CD226: variants seen among roughly 807,000 people sequenced by gnomAD.
CD226 encodes the protein CD226 molecule, also known as CD226 antigen.
In CD226, 24 loss-of-function variants were observed where a neutral mutation model predicts 34.9. The observed-to-expected ratio is 0.69, with a 90% CI of 0.50 to 0.97. CD226 has a LOEUF of 0.97. CD226 is among the 50% of genes least tolerant of loss of function. The probability of loss-of-function intolerance (pLI) is 0.00; values close to 1 mark genes in which losing one functional copy is unlikely to be tolerated. For missense variants in CD226, 397 were observed against 412.7 expected, an observed-to-expected ratio of 0.96 and a Z score of 0.33; for synonymous variants, 148 against 147.4, an observed-to-expected ratio of 1.00 and a Z score of -0.03.
At chr18:69,918,985 G>A (rs1435311576) in intron 2 of CD226, among the ~76,000 whole-genome samples, 1 of 152,200 alleles carries the variant, frequency 6.6e-6, no homozygotes, top group African/African-American at 2.4e-5. Flanking sequence ...AGGAGGTGGG[G>A]GCCATGGGCC....
chr18:69,891,177 T>C (rs778094418), intron 3 of CD226, among the ~76,000 whole-genome samples: 2 of 152,034 alleles, frequency 1.3e-5, no homozygotes, highest in Admixed American at 6.6e-5. Flanking sequence ...GTTCAACATA[T>C]GTAAATCAAT....
chr18:69,892,858 A>C (rs982377331), intron 3 of CD226, among the ~76,000 whole-genome samples: 10 of 152,228 alleles, frequency 6.6e-5, no homozygotes, highest in Admixed American at 3.3e-4. Context: ...AAAAGAAGTC[A>C]TTGAGAACTA....
intron 3 of CD226, among the ~76,000 whole-genome samples, chr18:69,880,382 GGAAA>G (rs1387993623): frequency 4.4e-5 from 5 of 113,048 alleles, no homozygotes; most frequent in South Asian, 2.9e-4. Context: ...GGAAGGAAGG[GGAAA>G]GAAAGAAAGA....
intron 2 of CD226, among the ~76,000 whole-genome samples, chr18:69,897,377 G>C (rs566478730): frequency 6.6e-6 from 1 of 152,202 alleles, no homozygotes; most frequent in South Asian, 2.1e-4. Context: ...AACCCAGCAA[G>C]GTAACAAGTG....
At chr18:69,869,777 G>A (rs1044209684) in intron 4 of CD226, among the ~76,000 whole-genome samples, 1 of 151,084 alleles carries the variant, frequency 6.6e-6, no homozygotes, top group African/African-American at 2.4e-5. Context: ...AGTTTCCCAG[G>A]ATGAGAGATT....
At chr18:69,949,241 G>A (rs562545805), upstream of CD226, among the ~76,000 whole-genome samples, 3 of 152,270 alleles carry the variant, frequency 2.0e-5, no homozygotes, top group East Asian at 5.8e-4. Flanking sequence ...CGCCTGTGAC[G>A]TTAACACATT....
At chr18:69,882,197 A>G (rs1383780559) in intron 3 of CD226, among the ~76,000 whole-genome samples, 9 of 152,220 alleles carry the variant, frequency 5.9e-5, no homozygotes, top group Admixed American at 5.9e-4. Context: ...CTGATGTAGA[A>G]ATTTTGCTAC....
At chr18:69,931,780 C>T (rs2055592324) in intron 2 of CD226, among the ~76,000 whole-genome samples, 1 of 152,206 alleles carries the variant, frequency 6.6e-6, no homozygotes, top group African/African-American at 2.4e-5. Flanking sequence ...TGCTTTATCC[C>T]CACTTAAGCT....
intron 1 of CD226, among the ~76,000 whole-genome samples, chr18:69,955,892 A>T (rs1411838683): frequency 7.0e-6 from 1 of 142,540 alleles, no homozygotes; most frequent in African/African-American, 2.5e-5. Flanking sequence ...AAATTTCCTC[A>T]GGAACACAAT....
In CD226 at chr18:69,863,344, A is replaced by G. The variant is rs985119615; in HGVS notation, c.*970T>C. On this transcript the variant is annotated 3_prime_UTR_variant, in exon 6 of 6. Transcript: ENST00000582621. ...AAAATAATTCTCAAAAGTAGACAAA[A>G]TATGTCCAAAACATTAAGTTATTTA... 6.6e-6 allele frequency: 1 copy of G among 152,214 alleles called. No homozygotes were observed. The highest frequency in any genetic ancestry group is 2.4e-5 in the African/African-American group (1 of 41,442). The allele number at this position is 152,214 out of a possible 1,614,324, so 9.4% of individuals were successfully genotyped here.
upstream of CD226, among the ~76,000 whole-genome samples, chr18:69,961,432 G>A (rs1022973363): frequency 3.9e-5 from 6 of 152,120 alleles, no homozygotes; most frequent in Non-Finnish European, 5.9e-5. Context: ...ACGGCACTCT[G>A]CAAAAAGGTC....
chr18:69,887,112 G>C (rs1270691053), intron 3 of CD226, among the ~76,000 whole-genome samples: 3 of 152,164 alleles, frequency 2.0e-5, no homozygotes, highest in Non-Finnish European at 4.4e-5. Flanking sequence ...GCTGGATCAG[G>C]AAGAGAAAAT....
intron 3 of CD226, among the ~76,000 whole-genome samples, chr18:69,894,169 C>G (rs1297985036): frequency 6.7e-6 from 1 of 149,516 alleles, no homozygotes; most frequent in Non-Finnish European, 1.5e-5. Flanking sequence ...AACTGTAATA[C>G]AGGCCTCTAC....
chr18:69,874,581 G>A lies in CD226; in HGVS notation c.728-1335C>T, dbSNP rs145569970. 4.5e-3 allele frequency among the ~76,000 whole-genome samples: 685 copies of A among 152,202 alleles called. 10 individuals carry two copies. Among genetic ancestry groups the A allele is most frequent in the African/African-American group, 0.016 (653 of 41,530 alleles). ...TTGAATGTTTGTACTGTGACACCCC[G>A]GCTGTCTGGAATCCTATTGCAGCCT... On this transcript the variant is annotated intron_variant, in intron 3 of 5. Transcript: ENST00000582621.
At chr18:69,940,353 T>A (rs891531304) in intron 2 of CD226, among the ~76,000 whole-genome samples, 1 of 152,178 alleles carries the variant, frequency 6.6e-6, no homozygotes, top group African/African-American at 2.4e-5. Context: ...TGTAAAGATA[T>A]CCACAAGTGT....
At chr18:69,959,822 C>G (rs898198426), upstream of CD226, among the ~76,000 whole-genome samples, 5 of 152,172 alleles carry the variant, frequency 3.3e-5, no homozygotes, top group African/African-American at 1.2e-4. Flanking sequence ...AAATATGGCA[C>G]AGCCAGGCAT....
intron 3 of CD226, 65 bp from the exon 4 acceptor site, chr18:69,873,311 G>C (rs949257724): frequency 1.3e-6 from 1 of 745,820 alleles, no homozygotes; most frequent in Non-Finnish European, 2.3e-6. Flanking sequence ...AAGTAAGGCA[G>C]GAAAATAAAG....
chr18:69,923,708 C>T (rs1009256342), intron 2 of CD226, among the ~76,000 whole-genome samples: 4 of 152,254 alleles, frequency 2.6e-5, no homozygotes, highest in African/African-American at 4.8e-5. Flanking sequence ...AATCCCAGCA[C>T]TTTGGGAGGC....
At chr18:69,945,376 C>A (rs1323111211) in intron 2 of CD226, among the ~76,000 whole-genome samples, 1 of 152,184 alleles carries the variant, frequency 6.6e-6, no homozygotes, top group Non-Finnish European at 1.5e-5. Flanking sequence ...AAAGTGATGA[C>A]TATAAACCCA....
Sources: gnomAD v4.1 joint callset for allele counts (sites outside exome capture counted in the v4.1 genomes callset) on GRCh38, gnomAD v4.1.1 for gene constraint, MANE v1.5 for transcripts, NCBI Gene and HGNC (gene_info 2026-07-23, HGNC 2026-07-21) for gene names.